The following TAF4 variants were observed in gnomAD, a reference collection of about 807,000 sequenced individuals.
TAF4 encodes the protein TATA-box binding protein associated factor 4.
In TAF4, 9 loss-of-function variants were observed where a neutral mutation model predicts 90.3. The observed-to-expected ratio is 0.10, with a 90% CI of 0.06 to 0.17. The LOEUF (loss-of-function observed/expected upper bound fraction) is 0.17. Ranked by LOEUF, TAF4 falls within the 10% of genes least tolerant of loss-of-function variation. The probability of loss-of-function intolerance (pLI) is 1.00; values close to 1 mark genes in which losing one functional copy is unlikely to be tolerated. For synonymous variants in TAF4, 818 were observed against 638.9 expected (o/e 1.28, Z -4.23); for missense variants, 1,351 against 1,370.7 (o/e 0.99, Z 0.23).
At position 62,012,869 on chromosome 20, in the gene TAF4, C is replaced by T; in HGVS notation, c.1587G>A (p.Gln529=). The change falls in exon 3 of 15, where the codon CAG becomes CAA. Residue 529 remains glutamine, a synonymous_variant. Coordinates refer to ENST00000252996, the MANE Select transcript of TAF4 (RefSeq NM_003185.4). ...CACTGGGCTGCACCGTTGTCTGGGC[C>T]TGAGACACTTGCTTAATTATGGTAG... is the stretch of plus-strand genomic sequence containing the variant. ...TPTTIIKQVS[Q]AQTTVQPSAT... 3 of 1,614,170 alleles carry T rather than the reference C, an allele frequency of 1.9e-6. No homozygotes were observed. Among genetic ancestry groups the T allele is most frequent in the Non-Finnish European group, 2.5e-6 (3 of 1,180,036 alleles).
At chr20:62,052,074 C>T (rs1212514974) in intron 1 of TAF4, among the ~76,000 whole-genome samples, 1 of 152,176 alleles carries the variant, frequency 6.6e-6, no homozygotes, top group African/African-American at 2.4e-5. Flanking sequence ...ACCGTGGACT[C>T]CCTGCATCCC....
chr20:62,052,111 C>T (rs1289896618), intron 1 of TAF4, among the ~76,000 whole-genome samples: 3 of 152,296 alleles, frequency 2.0e-5, no homozygotes, highest in South Asian at 2.1e-4. Context: ...CACCGAGCAC[C>T]GCAGACGTGC....
chr20:62,065,503 T>C lies in TAF4; in HGVS notation c.308A>G (p.Gln103Arg), dbSNP rs1328914366. Reference sequence around the variant, plus strand: ...GCGCGGTGAGGGGGGGCCCGGGCGCTGCGGCCCCCCGCCCCCCGGCCGCGC... The same window carrying C: ...GCGCGGTGAGGGGGGGCCCGGGCGCCGCGGCCCCCCGCCCCCCGGCCGCGC... The part of the protein sequence containing the change: ...GRARPGGGGP[Q>R]RPGPPSPRRP... The change falls in exon 1 of 15, where the codon CAG (glutamine) becomes CGG (arginine). Residue 103 changes from glutamine (Q) to arginine (R), a missense_variant. By Grantham distance (43) the Gln-to-Arg change is conservative. This residue lies in a region of TAF4 where 782 missense variants were observed against 536.6 expected (regional missense o/e 1.46). Transcript: ENST00000252996. The C allele has an allele frequency of 5.9e-5, 57 of 967,848 alleles. No homozygotes were observed. The African/African-American group carries it at 8.9e-4, about 15-fold the overall frequency. 60.0% of individuals were successfully genotyped at this position (967,848 alleles called of 1,614,324 possible).
chr20:62,011,495 C>CA (rs2055777282), intron 3 of TAF4, among the ~76,000 whole-genome samples: 1 of 152,230 alleles, frequency 6.6e-6, no homozygotes, highest in Non-Finnish European at 1.5e-5. Context: ...ACGCACCAAT[C>CA]AGAGCACAGG....
At chr20:62,039,670 T>C (rs1000062720) in intron 1 of TAF4, among the ~76,000 whole-genome samples, 2 of 152,186 alleles carry the variant, frequency 1.3e-5, no homozygotes, top group Non-Finnish European at 2.9e-5. Context: ...AATTGAAAAC[T>C]TGCACTTTAA....
At chr20:61,996,868 C>G (rs2055666046) in intron 14 of TAF4, among the ~76,000 whole-genome samples, 4 of 151,552 alleles carry the variant, frequency 2.6e-5, no homozygotes, top group Admixed American at 2.0e-4. Flanking sequence ...GAATCCATCA[C>G]CAGTAGATCT....
intron 14 of TAF4, among the ~76,000 whole-genome samples, chr20:61,987,936 T>C (rs1480468755): frequency 1.3e-5 from 2 of 152,162 alleles, no homozygotes; most frequent in African/African-American, 4.8e-5. Flanking sequence ...CGGAGGAACC[T>C]CAGGTGGATA....
chr20:62,064,702 G>A lies in TAF4; in HGVS notation c.1109C>T (p.Ala370Val). The A allele has an allele frequency of 1.6e-5, 20 of 1,242,342 alleles. No homozygotes were observed. The highest frequency in any genetic ancestry group is 2.0e-5 in the Non-Finnish European group (20 of 996,436). The allele number at this position is 1,242,342 out of a possible 1,614,324, so 77.0% of individuals were successfully genotyped here. A position where few individuals can be genotyped will look rare whatever the true frequency, so the allele number is the denominator to read the frequency against. Reference sequence around the variant, plus strand: ...AGTTGGCCCGATGACCATGCTGGCCGCCGTGCTGGCCGGGCCGCTGGCCGC... The same window carrying A: ...AGTTGGCCCGATGACCATGCTGGCCACCGTGCTGGCCGGGCCGCTGGCCGC... ...TLAASGPAST[A>V]ASMVIGPTMQ... Residue 370 changes from alanine (A) to valine (V), a missense_variant, in exon 1 of 15, where the codon GCG becomes GTG. Transcript: ENST00000252996.
At chr20:62,000,800 AC>A (rs1267359814) in intron 9 of TAF4, 79 bp from the exon 10 acceptor site, 1 of 1,528,208 alleles carries the variant, frequency 6.5e-7, no homozygotes, top group African/African-American at 1.4e-5. Flanking sequence ...AGGGCAGGAA[AC>A]CCCACGTGGA....
chr20:62,007,437 C>T (rs1041323901), intron 6 of TAF4, 110 bp downstream of exon 6: 35 of 1,007,732 alleles, frequency 3.5e-5, no homozygotes, highest in Non-Finnish European at 5.0e-5. Flanking sequence ...GCAGCACAAG[C>T]GCTGTGCACC....
At chr20:61,993,056 T>C (rs1367454342) in intron 14 of TAF4, among the ~76,000 whole-genome samples, 1 of 152,178 alleles carries the variant, frequency 6.6e-6, no homozygotes, top group Non-Finnish European at 1.5e-5. Context: ...CATGCTCGCG[T>C]TTACCCTGCG....
At chr20:62,038,403 C>T (rs1009838533) in intron 1 of TAF4, among the ~76,000 whole-genome samples, 4 of 151,846 alleles carry the variant, frequency 2.6e-5, no homozygotes, top group Admixed American at 6.6e-5. Flanking sequence ...CCTCATGATC[C>T]GCCCGCCTCA....
intron 1 of TAF4, among the ~76,000 whole-genome samples, chr20:62,042,164 C>T (rs2055967294): frequency 6.6e-6 from 1 of 152,152 alleles, no homozygotes; most frequent in Non-Finnish European, 1.5e-5. Context: ...CCCCAAGCTC[C>T]ACTGACGAGA....
chr20:62,014,427 C>G, intron 2 of TAF4, 120 bp downstream of exon 2: 1 of 1,309,338 alleles, frequency 7.6e-7, no homozygotes, highest in Non-Finnish European at 1.0e-6. Context: ...GGGACGCCGC[C>G]CACACTTCCC....
At chr20:62,047,446 G>C (rs1007068636) in intron 1 of TAF4, among the ~76,000 whole-genome samples, 2 of 152,134 alleles carry the variant, frequency 1.3e-5, no homozygotes, top group African/African-American at 2.4e-5. Flanking sequence ...ATATTCGTGA[G>C]CTCCTTTAGA....
intron 14 of TAF4, among the ~76,000 whole-genome samples, chr20:61,997,339 C>T (rs1326451271): frequency 1.3e-5 from 2 of 152,174 alleles, no homozygotes; most frequent in African/African-American, 4.8e-5. Context: ...AACTTCCTCA[C>T]GAAAAAGACT....
intron 1 of TAF4, among the ~76,000 whole-genome samples, chr20:62,059,880 G>A (rs549115564): frequency 1.8e-4 from 27 of 152,332 alleles, no homozygotes; most frequent in African/African-American, 6.3e-4. Flanking sequence ...ATTATGCTTT[G>A]ATCAACTCAC....
rs1349634635 is a variant in TAF4 at position 62,000,598 on chromosome 20, T to G, written c.2610A>C (p.Glu870Asp). ...GCAAAGGCGCTTGGAGGAGGAAGGT[T>G]TCATCTTTACAGGACCGCGTTAGCG... is the stretch of plus-strand genomic sequence containing the variant. ...VGTLTRSCKD[E>D]TFLLQAPLQR... Residue 870 changes from glutamate to aspartate, a missense_variant, in exon 10 of 15, where the codon GAA (glutamate) becomes GAC (aspartate). Around this residue, in one of 9 missense-constraint regions of TAF4, gnomAD observed 95 missense variants for 151.3 expected, o/e 0.63. Transcript: ENST00000252996. The G allele has an allele frequency of 6.2e-7, 1 of 1,614,252 alleles. No individual in the cohort carries two copies. Among genetic ancestry groups the G allele is most frequent in the South Asian group, 1.1e-5 (1 of 91,088 alleles).
At chr20:61,990,693 G>T (rs1382649525) in intron 14 of TAF4, among the ~76,000 whole-genome samples, 2 of 152,166 alleles carry the variant, frequency 1.3e-5, no homozygotes, top group Admixed American at 6.5e-5. Context: ...TGCAGCACAG[G>T]GCCTCACGCA....
Sources: gnomAD v4.1 joint callset for allele counts (sites outside exome capture counted in the v4.1 genomes callset) on GRCh38, gnomAD v4.1.1 for gene constraint, gnomAD v4.1.1 regional missense constraint, MANE v1.5 for transcripts, NCBI Gene and HGNC (gene_info 2026-07-23, HGNC 2026-07-21) for gene names.